CSMD1: variants seen among roughly 807,000 people sequenced by gnomAD.
CSMD1 encodes CUB and sushi domain-containing protein 1.
CSMD1 carries 213 observed loss-of-function variants against 417.5 expected under a neutral mutation model. The observed-to-expected ratio is 0.51, with a 90% CI of 0.46 to 0.57. The LOEUF (loss-of-function observed/expected upper bound fraction) is 0.57. Among genes scored for constraint, CSMD1 ranks in the 20% least tolerant of loss-of-function variants. The pLI, the probability that CSMD1 is intolerant of heterozygous loss-of-function variation, is 0.00. For synonymous variants in CSMD1, 2,862 were observed against 1,736.8 expected (o/e 1.65, Z -16.11); for missense variants, 6,923 against 4,529.7 (o/e 1.53, Z -15.17).
intron 3 of CSMD1, among the ~76,000 whole-genome samples, chr8:4,195,067 G>A (rs556462300): frequency 3.0e-4 from 46 of 152,284 alleles, no homozygotes; most frequent in African/African-American, 1.1e-3. Flanking sequence ...GTATTCAGCT[G>A]TTACGCCTAG....
At chr8:3,884,377 G>A (rs761493803) in intron 5 of CSMD1, among the ~76,000 whole-genome samples, 1 of 152,170 alleles carries the variant, frequency 6.6e-6, no homozygotes, top group Non-Finnish European at 1.5e-5. Context: ...TAGTGACATG[G>A]TGCTTGCCAA....
intron 3 of CSMD1, among the ~76,000 whole-genome samples, chr8:4,280,883 T>G (rs1796745638): frequency 6.6e-6 from 1 of 152,216 alleles, no homozygotes; most frequent in South Asian, 2.1e-4. Flanking sequence ...TAGAAATACT[T>G]TTTTGGTAAT....
intron 1 of CSMD1, among the ~76,000 whole-genome samples, chr8:4,859,705 A>C (rs561145414): frequency 6.6e-6 from 1 of 152,044 alleles, no homozygotes; most frequent in South Asian, 2.1e-4. Context: ...CAAAACCACA[A>C]TGAGATACCA....
chr8:3,349,409 T>A (rs1464623199), intron 21 of CSMD1, among the ~76,000 whole-genome samples: 1 of 152,090 alleles, frequency 6.6e-6, no homozygotes, highest in African/African-American at 2.4e-5. Context: ...GCACGTTGAA[T>A]CTCAGAATGC....
At chr8:3,107,652 C>T in intron 45 of CSMD1, 66 bp downstream of exon 45, 2 of 877,034 alleles carry the variant, frequency 2.3e-6, no homozygotes, top group Non-Finnish European at 3.7e-6. Context: ...GTAATGATTA[C>T]AATGAGAAGT....
chr8:3,416,660 T>G (rs1055847321), intron 12 of CSMD1, among the ~76,000 whole-genome samples: 1 of 152,186 alleles, frequency 6.6e-6, no homozygotes, highest in African/African-American at 2.4e-5. Flanking sequence ...GTCCTTTAGA[T>G]TCTGCTGTGG....
chr8:4,390,962 A>T (rs1389700933), intron 3 of CSMD1, among the ~76,000 whole-genome samples: 2 of 152,208 alleles, frequency 1.3e-5, no homozygotes, highest in Non-Finnish European at 2.9e-5. Flanking sequence ...CAAATACTTA[A>T]AACAGATTCT....
At chr8:4,978,868 G>A (rs574789984) in intron 1 of CSMD1, among the ~76,000 whole-genome samples, 17 of 138,396 alleles carry the variant, frequency 1.2e-4, no homozygotes, top group African/African-American at 3.7e-4. Flanking sequence ...AACCCAGGAG[G>A]CGGAGGTTGC....
At position 3,693,676 on chromosome 8, in the gene CSMD1, A is replaced by G. The variant is rs114262514; in HGVS notation, c.1009+14738T>C. ...TAGTTATTAGGTAATAAAAAGATAT[A>G]AAGAGAAAAATGAAACAGAACGGGA... On this transcript the variant is annotated intron_variant, in intron 7 of 69. Transcript: ENST00000635120. Among the ~76,000 whole-genome samples the G allele has an allele frequency of 6.0e-3, 916 of 152,304 alleles. 11 individuals are homozygous for G. Among genetic ancestry groups the G allele is most frequent in the African/African-American group, 0.021 (873 of 41,558 alleles).
At chr8:4,942,547 T>C (rs896217764) in intron 1 of CSMD1, among the ~76,000 whole-genome samples, 2 of 152,242 alleles carry the variant, frequency 1.3e-5, no homozygotes, top group Admixed American at 6.5e-5. Flanking sequence ...ATGTACAGAT[T>C]AGTAATTCTC....
intron 41 of CSMD1, among the ~76,000 whole-genome samples, chr8:3,121,271 T>C (rs1817189141): frequency 6.6e-6 from 1 of 151,970 alleles, no homozygotes; most frequent in African/African-American, 2.4e-5. Context: ...TTAAAAAAAA[T>C]CCTTTATTTA....
At chr8:3,088,790 T>C (rs1814717417) in intron 48 of CSMD1, among the ~76,000 whole-genome samples, 1 of 141,560 alleles carries the variant, frequency 7.1e-6, no homozygotes, top group Admixed American at 7.4e-5. Context: ...TTAGACAAAG[T>C]ATGAGTACAA....
intron 3 of CSMD1, among the ~76,000 whole-genome samples, chr8:4,377,845 TA>T: frequency 6.6e-6 from 1 of 152,206 alleles, no homozygotes; most frequent in South Asian, 2.1e-4. Flanking sequence ...CCCCAATTAG[TA>T]TACTTCTGTA....
intron 6 of CSMD1, among the ~76,000 whole-genome samples, chr8:3,739,850 A>G (rs1008683942): frequency 6.6e-6 from 1 of 152,172 alleles, no homozygotes; most frequent in African/African-American, 2.4e-5. Flanking sequence ...ATTTGGGACA[A>G]TTAAAAAAGC....
chr8:4,346,516 G>C lies in CSMD1; in HGVS notation c.415+73437C>G, dbSNP rs1800786616. Among the ~76,000 whole-genome samples the C allele has an allele frequency of 3.9e-5, 6 of 152,110 alleles. No homozygotes were observed. The South Asian group carries it at 1.2e-3, about 32-fold the overall frequency. On this transcript the variant is annotated intron_variant, in intron 3 of 69. Transcript: ENST00000635120. ...GCCTCATGACATTATTGTCTAAACT[G>C]AATTAAAATCCAGTTACAGAAAACT...
At chr8:3,996,011 A>G (rs541843528) in intron 5 of CSMD1, among the ~76,000 whole-genome samples, 1 of 152,216 alleles carries the variant, frequency 6.6e-6, no homozygotes, top group Non-Finnish European at 1.5e-5. Flanking sequence ...GATACTCTCT[A>G]TGACAAGGAT....
intron 57 of CSMD1, among the ~76,000 whole-genome samples, chr8:2,969,299 A>T (rs1451963253): frequency 1.3e-5 from 2 of 152,088 alleles, no homozygotes; most frequent in Admixed American, 6.6e-5. Context: ...CTTTATCATA[A>T]TTTCATCTGA....
In CSMD1 at chr8:4,377,674, C is replaced by G. The variant is rs967284718; in HGVS notation, c.415+42279G>C. On this transcript the variant is annotated intron_variant, in intron 3 of 69. Coordinates refer to ENST00000635120, the MANE Select transcript of CSMD1 (RefSeq NM_033225.6). Reference sequence around the variant, plus strand: ...GTTCTTTTTAGCAAAGTATATATTTCTATTAAGCTTTTAAAAATTTCATCT... The same window carrying G: ...GTTCTTTTTAGCAAAGTATATATTTGTATTAAGCTTTTAAAAATTTCATCT... 5.9e-5 allele frequency among the ~76,000 whole-genome samples: 9 copies of G among 152,120 alleles called. No homozygotes were observed. The South Asian group carries it at 1.7e-3, about 28-fold the overall frequency.
chr8:3,557,885 G>T (rs916167418), intron 10 of CSMD1, among the ~76,000 whole-genome samples: 12 of 152,144 alleles, frequency 7.9e-5, no homozygotes, highest in Admixed American at 7.2e-4. Flanking sequence ...TCAGCATTTG[G>T]ATCAGATAAT....
Sources: allele counts gnomAD v4.1 joint callset (sites outside exome capture counted in the v4.1 genomes callset), GRCh38; gene constraint gnomAD v4.1.1; transcripts MANE v1.5; gene names NCBI Gene and HGNC (gene_info 2026-07-23, HGNC 2026-07-21).